TMEM108: variants seen among roughly 807,000 people sequenced by gnomAD.
The protein encoded by TMEM108 is transmembrane protein 108.
In TMEM108, 12 loss-of-function variants were observed where a neutral mutation model predicts 35.1. That is an observed-to-expected ratio of 0.34 (90% CI 0.22 to 0.55). TMEM108 has a LOEUF of 0.55. Among genes scored for constraint, TMEM108 ranks in the 20% least tolerant of loss-of-function variants. The pLI is 0.89. For synonymous variants in TMEM108, 287 were observed against 308.6 expected, an observed-to-expected ratio of 0.93 and a Z score of 0.73; for missense variants, 680 against 753.3, an observed-to-expected ratio of 0.90 and a Z score of 1.14.
At chr3:133,295,343 C>G (rs1056316001) in intron 3 of TMEM108, among the ~76,000 whole-genome samples, 9 of 152,240 alleles carry the variant, frequency 5.9e-5, no homozygotes, top group Admixed American at 5.9e-4. Context: ...GAACCTAGAG[C>G]TTTAGCTTCC....
intron 3 of TMEM108, among the ~76,000 whole-genome samples, chr3:133,264,573 A>T (rs1375854128): frequency 6.6e-6 from 1 of 152,188 alleles, no homozygotes; most frequent in African/African-American, 2.4e-5. Flanking sequence ...GCAAGTTGTC[A>T]TTATATTGTT....
In TMEM108 at chr3:133,171,160, G is replaced by C. The variant is rs563313360; in HGVS notation, c.-46-58106G>C. 5.9e-5 allele frequency among the ~76,000 whole-genome samples: 9 copies of C among 152,190 alleles called. 1 individual carries two copies. In the South Asian group the frequency reaches 1.5e-3, roughly 25 times the overall value. On this transcript the variant is annotated intron_variant, in intron 2 of 5. Coordinates refer to ENST00000321871, the MANE Select transcript of TMEM108 (RefSeq NM_023943.4). ...GATGACTGGCTTTCTGTTAATCTGT[G>C]TATCGACATTATAGTTTGTCTACCC...
intron 2 of TMEM108, among the ~76,000 whole-genome samples, chr3:133,144,246 G>A (rs977158203): frequency 6.6e-6 from 1 of 152,024 alleles, no homozygotes; most frequent in Non-Finnish European, 1.5e-5. Context: ...TCCTGTGTTA[G>A]TTTGCTGAGA....
intron 3 of TMEM108, among the ~76,000 whole-genome samples, chr3:133,328,099 A>C (rs1236296540): frequency 6.6e-6 from 1 of 152,184 alleles, no homozygotes. Flanking sequence ...TTGGAGTCTA[A>C]GAGTGCAAGT....
At chr3:133,204,086 G>A (rs142255191) in intron 2 of TMEM108, among the ~76,000 whole-genome samples, 1 of 152,202 alleles carries the variant, frequency 6.6e-6, no homozygotes, top group African/African-American at 2.4e-5. Context: ...TTGTGTAGAG[G>A]TGTTTATAGT....
At chr3:133,054,168 A>G (rs1047910264) in intron 2 of TMEM108, among the ~76,000 whole-genome samples, 2 of 152,222 alleles carry the variant, frequency 1.3e-5, no homozygotes, top group African/African-American at 2.4e-5. Flanking sequence ...CTTGGAATCA[A>G]TATAAATAGT....
At chr3:133,326,245 T>C (rs1168200121) in intron 3 of TMEM108, among the ~76,000 whole-genome samples, 1 of 152,154 alleles carries the variant, frequency 6.6e-6, no homozygotes, top group Non-Finnish European at 1.5e-5. Flanking sequence ...TCAAAACACA[T>C]GTACTAGTGC....
intron 2 of TMEM108, among the ~76,000 whole-genome samples, chr3:133,109,178 C>G (rs1395329877): frequency 6.6e-6 from 1 of 152,054 alleles, no homozygotes; most frequent in Non-Finnish European, 1.5e-5. Flanking sequence ...GTGCTCCTAA[C>G]TAGCTGTGTT....
rs1295120357 is a variant in TMEM108 at position 133,386,376 on chromosome 3, A to T, written c.1451-3804A>T. The T allele has an allele frequency of 3.3e-6, 5 of 1,535,786 alleles. No homozygotes were observed. In the African/African-American group the frequency reaches 6.8e-5, roughly 21 times the overall value. On this transcript the variant is annotated intron_variant, in intron 4 of 5. Coordinates refer to ENST00000321871, the MANE Select transcript of TMEM108 (RefSeq NM_023943.4). ...AATTCAATAGTTGTTTGAAAGGTTG[A>T]ATCCTCAGGGGACCTGCAGGGTTTC...
chr3:133,368,724 T>A (rs1418798545), intron 3 of TMEM108, among the ~76,000 whole-genome samples: 1 of 152,182 alleles, frequency 6.6e-6, no homozygotes, highest in Non-Finnish European at 1.5e-5. Context: ...GAAATAAACA[T>A]CTATGATTTT....
chr3:133,390,360 CA>C (rs2073216097), intron 5 of TMEM108, 26 bp downstream of exon 5: 2 of 1,611,786 alleles, frequency 1.2e-6, no homozygotes, highest in Non-Finnish European at 1.7e-6. Context: ...GTGCTGGCCC[CA>C]CTGCAGGGAA....
intron 2 of TMEM108, among the ~76,000 whole-genome samples, chr3:133,228,575 T>C (rs1946108139): frequency 6.6e-6 from 1 of 152,020 alleles, no homozygotes; most frequent in Non-Finnish European, 1.5e-5. Flanking sequence ...GTAATAGTAA[T>C]AACACAAAGC....
chr3:133,127,081 C>T (rs1185188510), intron 2 of TMEM108, among the ~76,000 whole-genome samples: 2 of 152,026 alleles, frequency 1.3e-5, no homozygotes, highest in Non-Finnish European at 2.9e-5. Flanking sequence ...TTTACACTTA[C>T]AGCACATCTC....
At chr3:133,319,820 A>T (rs1019749540) in intron 3 of TMEM108, among the ~76,000 whole-genome samples, 1 of 152,136 alleles carries the variant, frequency 6.6e-6, no homozygotes, top group African/African-American at 2.4e-5. Context: ...TCCCTAGGGG[A>T]AGGGGACCCT....
intron 2 of TMEM108, among the ~76,000 whole-genome samples, chr3:133,175,728 G>A (rs927644552): frequency 2.2e-4 from 33 of 152,230 alleles, no homozygotes; most frequent in Non-Finnish European, 3.8e-4. Context: ...ATGCCAAATT[G>A]TAAAGACCAT....
At chr3:133,163,499 T>C (rs1321682484) in intron 2 of TMEM108, among the ~76,000 whole-genome samples, 2 of 152,168 alleles carry the variant, frequency 1.3e-5, no homozygotes, top group African/African-American at 4.8e-5. Flanking sequence ...TCATGAGTGA[T>C]AATAGCTATT....
intron 3 of TMEM108, among the ~76,000 whole-genome samples, chr3:133,323,403 A>G (rs2107721254): frequency 6.6e-6 from 1 of 152,312 alleles, no homozygotes; most frequent in Non-Finnish European, 1.5e-5. Context: ...TGAGAATCAA[A>G]TCAAGAACTC....
intron 3 of TMEM108, among the ~76,000 whole-genome samples, chr3:133,349,290 A>G (rs2071918262): frequency 6.6e-6 from 1 of 152,198 alleles, no homozygotes; most frequent in African/African-American, 2.4e-5. Context: ...ATGCTGGTTT[A>G]ATGTGGCACA....
Position 133,045,257 on chromosome 3 carries a change from C to T in TMEM108, c.-165-645C>T, listed in dbSNP as rs573795599. ...TGCTGGGATTACAGGCGTGAGCCAC[C>T]GCACCTGGTCCTTTTGAGTCTTACA... On this transcript the variant is annotated intron_variant, in intron 1 of 5. Coordinates refer to ENST00000321871, the MANE Select transcript of TMEM108 (RefSeq NM_023943.4). 1.0e-3 allele frequency among the ~76,000 whole-genome samples: 157 copies of T among 152,210 alleles called. 1 individual carries two copies. Among genetic ancestry groups the T allele is most frequent in the Non-Finnish European group, 1.4e-3 (97 of 68,014 alleles).
Sources: gnomAD v4.1 joint callset for allele counts (sites outside exome capture counted in the v4.1 genomes callset) on GRCh38, gnomAD v4.1.1 for gene constraint, MANE v1.5 for transcripts, NCBI Gene and HGNC (gene_info 2026-07-23, HGNC 2026-07-21) for gene names.